The following CSMD3 variants were observed in gnomAD, a reference collection of about 807,000 sequenced individuals.
CSMD3 encodes CUB and sushi domain-containing protein 3.
CSMD3 carries 177 observed loss-of-function variants against 435.2 expected under a neutral mutation model. That is an observed-to-expected ratio of 0.41 (90% CI 0.36 to 0.46). CSMD3 has a LOEUF of 0.46. Among genes scored for constraint, CSMD3 ranks in the 20% least tolerant of loss-of-function variants. The pLI is 0.34. For missense variants in CSMD3, 4,265 were observed against 4,504.6 expected (o/e 0.95, Z 1.52); for synonymous variants, 1,656 against 1,520.5 (o/e 1.09, Z -2.07).
At chr8:112,942,255 G>T (rs769391560) in intron 9 of CSMD3, among the ~76,000 whole-genome samples, 1 of 145,938 alleles carries the variant, frequency 6.9e-6, no homozygotes, top group Non-Finnish European at 1.5e-5. Flanking sequence ...AAAAAAAACT[G>T]TCAACGGCTG....
intron 4 of CSMD3, among the ~76,000 whole-genome samples, chr8:113,108,012 G>T (rs763464981): frequency 6.6e-6 from 1 of 152,104 alleles, no homozygotes; most frequent in Non-Finnish European, 1.5e-5. Context: ...AGAATCTACA[G>T]AATAGAATAA....
intron 20 of CSMD3, among the ~76,000 whole-genome samples, 190 bp from the exon 21 acceptor site, chr8:112,639,101 A>T (rs1421672426): frequency 1.3e-5 from 2 of 152,212 alleles, no homozygotes; most frequent in East Asian, 1.9e-4. Context: ...CAGGTTCATT[A>T]TAAGAGATAT....
chr8:113,147,816 C>A lies in CSMD3; in HGVS notation c.709+25906G>T, dbSNP rs115627485. On this transcript the variant is annotated intron_variant, in intron 4 of 70. Coordinates refer to ENST00000297405, the MANE Select transcript of CSMD3 (RefSeq NM_198123.2). ...ATAAGGCCTTACCATTCACACATAA[C>A]ACTCATGAATAACAAATCTTTGTTA... 9.2e-3 allele frequency among the ~76,000 whole-genome samples: 1,397 copies of A among 151,784 alleles called. 14 individuals carry two copies. The highest frequency in any genetic ancestry group is 0.032 in the African/African-American group (1,344 of 41,468).
At chr8:112,800,042 G>A (rs1367729643) in intron 13 of CSMD3, 120 bp downstream of exon 13, 2 of 699,306 alleles carry the variant, frequency 2.9e-6, no homozygotes, top group Admixed American at 2.1e-5. Context: ...AATGATCTTT[G>A]TTGAAATGTA....
At position 112,234,553 on chromosome 8, in the gene CSMD3, T is replaced by C. The variant is rs1454221323; in HGVS notation, c.10628-76A>G. ...CTTCATTTTATTATCTATCATTCCT[T>C]AAATAGATTATGTAAGATATGTAAT... is the stretch of plus-strand genomic sequence containing the variant. On this transcript the variant is annotated intron_variant, in intron 67 of 70. Coordinates refer to ENST00000297405, the MANE Select transcript of CSMD3 (RefSeq NM_198123.2). The C allele has an allele frequency of 2.7e-5, 23 of 839,202 alleles. No homozygotes were observed. The East Asian group carries it at 5.4e-4, about 20-fold the overall frequency. The allele number at this position is 839,202 out of a possible 1,614,324, so 52.0% of individuals were successfully genotyped here.
chr8:112,429,349 CTTG>C (rs1177267961), intron 32 of CSMD3, among the ~76,000 whole-genome samples: 2 of 151,914 alleles, frequency 1.3e-5, no homozygotes, highest in African/African-American at 2.4e-5. Context: ...CAAGTTCATC[CTTG>C]TTGTTCTTAT....
chr8:113,065,147 C>A (rs1019545363), intron 5 of CSMD3, among the ~76,000 whole-genome samples: 1 of 152,066 alleles, frequency 6.6e-6, no homozygotes, highest in South Asian at 2.1e-4. Context: ...TTTGGGCTTG[C>A]TTGGATTGTA....
rs80284761 is a variant in CSMD3 at position 113,192,009 on chromosome 8, G to A, written c.515-18093C>T. Reference sequence around the variant, plus strand: ...CATTTCTTTGATGATTAGTGATAATGAGCATTTTTTCATGTTTGTTTGCCA... The same window carrying A: ...CATTTCTTTGATGATTAGTGATAATAAGCATTTTTTCATGTTTGTTTGCCA... On this transcript the variant is annotated intron_variant, in intron 3 of 70. Transcript: ENST00000297405. Among the ~76,000 whole-genome samples the A allele has an allele frequency of 5.0e-3, 762 of 151,986 alleles. 3 individuals carry two copies. Among genetic ancestry groups the A allele is most frequent in the African/African-American group, 0.011 (449 of 41,520 alleles).
chr8:112,843,648 G>T (rs1251482289), intron 11 of CSMD3, among the ~76,000 whole-genome samples: 1 of 151,764 alleles, frequency 6.6e-6, no homozygotes, highest in African/African-American at 2.4e-5. Flanking sequence ...CATCTTTGCT[G>T]GATTTGAAGA....
chr8:112,292,492 A>C (rs1490740736), intron 55 of CSMD3, 45 bp downstream of exon 55: 1 of 1,588,754 alleles, frequency 6.3e-7, no homozygotes, highest in Non-Finnish European at 8.6e-7. Flanking sequence ...GTTTATGTGA[A>C]TATTATTATC....
chr8:112,657,618 C>T (rs573291445), intron 17 of CSMD3, among the ~76,000 whole-genome samples: 2 of 152,130 alleles, frequency 1.3e-5, no homozygotes, highest in Non-Finnish European at 2.9e-5. Flanking sequence ...CAGGGTTATA[C>T]TATATCCTGA....
intron 1 of CSMD3, among the ~76,000 whole-genome samples, chr8:113,343,799 C>T (rs959519489): frequency 6.6e-6 from 1 of 152,026 alleles, no homozygotes. Context: ...AAGCCGGGTG[C>T]GGTGGCTCAT....
chr8:112,453,816 C>CA (rs1246010415), intron 32 of CSMD3, among the ~76,000 whole-genome samples: 2 of 151,908 alleles, frequency 1.3e-5, no homozygotes, highest in Non-Finnish European at 2.9e-5. Flanking sequence ...CAATCCTAAG[C>CA]AAAAAACAAC....
At chr8:113,113,790 C>G (rs759109456) in intron 4 of CSMD3, among the ~76,000 whole-genome samples, 1 of 152,138 alleles carries the variant, frequency 6.6e-6, no homozygotes, top group Non-Finnish European at 1.5e-5. Context: ...ATCAATAACC[C>G]CTCAAACTAA....
At chr8:113,353,449 G>T (rs1163113819) in intron 1 of CSMD3, among the ~76,000 whole-genome samples, 1 of 152,162 alleles carries the variant, frequency 6.6e-6, no homozygotes, top group Non-Finnish European at 1.5e-5. Context: ...ATAAAGAGCA[G>T]TAATTATATA....
chr8:112,283,333 C>G (rs549351524), intron 58 of CSMD3, among the ~76,000 whole-genome samples: 46 of 151,652 alleles, frequency 3.0e-4, no homozygotes, highest in African/African-American at 1.1e-3. Context: ...AGAGAGAACT[C>G]TTATTTTAAA....
intron 23 of CSMD3, among the ~76,000 whole-genome samples, chr8:112,584,031 C>T (rs532753924): frequency 2.7e-5 from 4 of 150,858 alleles, no homozygotes; most frequent in South Asian, 2.1e-4. Context: ...CACAAATGAA[C>T]AAAAATGTTT....
At chr8:112,952,855 A>G (rs969766331) in intron 8 of CSMD3, among the ~76,000 whole-genome samples, 12 of 151,524 alleles carry the variant, frequency 7.9e-5, no homozygotes, top group African/African-American at 2.7e-4. Flanking sequence ...TTCTTAAACA[A>G]GATATTTTTA....
chr8:113,061,567 C>A (rs1261617075), intron 5 of CSMD3, among the ~76,000 whole-genome samples: 3 of 152,066 alleles, frequency 2.0e-5, no homozygotes, highest in African/African-American at 7.2e-5. Flanking sequence ...ACATGGAATT[C>A]ACTGTTCACA....
Sources: allele counts gnomAD v4.1 joint callset (sites outside exome capture counted in the v4.1 genomes callset), GRCh38; gene constraint gnomAD v4.1.1; transcripts MANE v1.5; gene names NCBI Gene and HGNC (gene_info 2026-07-23, HGNC 2026-07-21).